The following CYB5R4 variants were observed in gnomAD, a reference collection of about 807,000 sequenced individuals.
CYB5R4 encodes cytochrome b5 reductase 4, also known as N-terminal cytochrome b5 and cytochrome b5 oxidoreductase domain-containing protein.
Under a neutral mutation model 70.2 loss-of-function variants are expected in CYB5R4, and 55 were observed. The ratio of observed to expected loss-of-function variants is 0.78; its 90% CI spans 0.63 to 0.98. CYB5R4 has a LOEUF of 0.98. Ranked by LOEUF, CYB5R4 falls within the 50% of genes least tolerant of loss-of-function variation. The pLI, the probability that CYB5R4 is intolerant of heterozygous loss-of-function variation, is 0.00. For synonymous variants in CYB5R4, 197 were observed against 199.5 expected (o/e 0.99, Z 0.11); for missense variants, 562 against 612.6 (o/e 0.92, Z 0.87).
In CYB5R4 at chr6:83,872,118, A is replaced by T. The variant is rs537362504; in HGVS notation, c.229+7790A>T. On this transcript the variant is annotated intron_variant, in intron 2 of 15. Coordinates refer to ENST00000369681, the MANE Select transcript of CYB5R4 (RefSeq NM_016230.4). Reference sequence around the variant, plus strand: ...AGTAACTCTCATTATATTCCTGGTTATTGCCTGAATTACTTGATAGTGGCA... The same window carrying T: ...AGTAACTCTCATTATATTCCTGGTTTTTGCCTGAATTACTTGATAGTGGCA... Among the ~76,000 whole-genome samples the T allele has an allele frequency of 6.6e-5, 10 of 152,130 alleles. 1 individual carries two copies. The South Asian group carries it at 2.1e-3, about 32-fold the overall frequency.
intron 3 of CYB5R4, among the ~76,000 whole-genome samples, chr6:83,903,779 G>T (rs1164432017): frequency 1.3e-5 from 2 of 151,894 alleles, no homozygotes; most frequent in Non-Finnish European, 1.5e-5. Context: ...TTGATAGGTT[G>T]TATGTTTCCA....
rs2099466014 is a variant in CYB5R4 at position 83,919,434 on chromosome 6, G to A, written c.544G>A (p.Ala182Thr). Residue 182 changes from alanine (A) to threonine (T), a missense_variant, in exon 7 of 16, where the codon GCC becomes ACC. Physicochemically the swap from Ala to Thr is moderately conservative, Grantham distance 58. Coordinates refer to ENST00000369681, the MANE Select transcript of CYB5R4 (RefSeq NM_016230.4). ...WFQTDSLVTI[A>T]IYTKQKDINL... ...CCAAACAGACTCTTTAGTCACCATTGCCATATATACTAAACAGAAGGTAAA... is the reference window on the plus strand; with the variant it reads ...CCAAACAGACTCTTTAGTCACCATTACCATATATACTAAACAGAAGGTAAA... The A allele has an allele frequency of 2.6e-6, 4 of 1,515,296 alleles. No individual in the cohort carries two copies. The South Asian group carries it at 3.7e-5, about 14-fold the overall frequency. 93.9% of individuals were successfully genotyped at this position (1,515,296 alleles called of 1,614,324 possible). A position where few individuals can be genotyped will look rare whatever the true frequency, so the allele number is the denominator to read the frequency against.
At chr6:83,928,214 G>A (rs527652186) in intron 10 of CYB5R4, among the ~76,000 whole-genome samples, 224 of 152,294 alleles carry the variant, frequency 1.5e-3, no homozygotes, top group African/African-American at 5.0e-3. Flanking sequence ...GTATGAGGCA[G>A]CCTTATTTTG....
chr6:83,859,895 G>T, intron 1 of CYB5R4, 38 bp downstream of exon 1: 2 of 1,573,786 alleles, frequency 1.3e-6, no homozygotes, highest in East Asian at 2.3e-5. Context: ...CCCTCGCTGC[G>T]TTTCGAGCTC....
At chr6:83,922,629 T>A (rs751448599) in intron 9 of CYB5R4, among the ~76,000 whole-genome samples, 159 bp downstream of exon 9, 9 of 152,072 alleles carry the variant, frequency 5.9e-5, no homozygotes, top group Non-Finnish European at 1.2e-4. Flanking sequence ...CTTTTTTTTT[T>A]AAACTTTTAA....
intron 14 of CYB5R4, among the ~76,000 whole-genome samples, chr6:83,945,056 A>C (rs2099470351): frequency 1.3e-5 from 2 of 152,214 alleles, no homozygotes; most frequent in Non-Finnish European, 2.9e-5. Context: ...ACTTGAACTC[A>C]GCTCTGCACC....
At chr6:83,942,734 C>A (rs1404341343) in intron 14 of CYB5R4, among the ~76,000 whole-genome samples, 4 of 152,092 alleles carry the variant, frequency 2.6e-5, no homozygotes, top group Non-Finnish European at 5.9e-5. Flanking sequence ...TCGCTGCAAG[C>A]ACAGCAGTTT....
At chr6:83,921,973 A>G (rs936074192) in intron 8 of CYB5R4, among the ~76,000 whole-genome samples, 2 of 152,222 alleles carry the variant, frequency 1.3e-5, no homozygotes, top group African/African-American at 2.4e-5. Flanking sequence ...TAGACGCTCA[A>G]TAAAATTTTT....
intron 3 of CYB5R4, among the ~76,000 whole-genome samples, chr6:83,895,703 A>AT (rs1168405714): frequency 2.6e-5 from 4 of 152,142 alleles, no homozygotes; most frequent in African/African-American, 9.7e-5. Context: ...GAAGTGCTAT[A>AT]TTGTTAAGTT....
At chr6:83,907,898 T>A (rs1034856974) in intron 3 of CYB5R4, among the ~76,000 whole-genome samples, 1 of 152,226 alleles carries the variant, frequency 6.6e-6, no homozygotes. Flanking sequence ...TTTAGGTTGA[T>A]TCCATGTCTT....
chr6:83,913,448 C>G (rs964860945), intron 4 of CYB5R4, among the ~76,000 whole-genome samples: 2 of 152,048 alleles, frequency 1.3e-5, no homozygotes, highest in African/African-American at 4.8e-5. Flanking sequence ...GATTTTCAGC[C>G]TTTTTTAGGA....
At chr6:83,914,971 A>G (rs1180380614) in intron 5 of CYB5R4, among the ~76,000 whole-genome samples, 1 of 151,740 alleles carries the variant, frequency 6.6e-6, no homozygotes, top group African/African-American at 2.4e-5. Flanking sequence ...CCCTGAATAC[A>G]TGTTATCTTC....
intron 1 of CYB5R4, 94 bp downstream of exon 1, chr6:83,859,951 C>G: frequency 8.3e-7 from 1 of 1,204,316 alleles, no homozygotes; most frequent in Non-Finnish European, 1.2e-6. Context: ...GCTCCTGCAC[C>G]CCTCTCTAAG....
intron 4 of CYB5R4, chr6:83,910,032 T>C: frequency 6.2e-7 from 1 of 1,612,076 alleles, no homozygotes; most frequent in Non-Finnish European, 8.5e-7. Context: ...GTTAAGCTGG[T>C]ACGCATGCAT....
intron 2 of CYB5R4, among the ~76,000 whole-genome samples, chr6:83,877,261 C>CT (rs2099458717): frequency 1.3e-5 from 2 of 152,196 alleles, no homozygotes; most frequent in African/African-American, 4.8e-5. Flanking sequence ...TGACAGTGTT[C>CT]TTTTTTCCGT....
At chr6:83,912,038 C>G (rs2099464771) in intron 4 of CYB5R4, among the ~76,000 whole-genome samples, 1 of 124,714 alleles carries the variant, frequency 8.0e-6, no homozygotes, top group Admixed American at 9.9e-5. Flanking sequence ...GCCTGGGTGA[C>G]AGAGAGAGGC....
intron 2 of CYB5R4, among the ~76,000 whole-genome samples, chr6:83,869,403 C>T (rs1260441591): frequency 6.6e-6 from 1 of 152,206 alleles, no homozygotes; most frequent in Non-Finnish European, 1.5e-5. Flanking sequence ...TCAGTACTCA[C>T]AGTGTCTGTT....
At chr6:83,945,670 G>A (rs9344379) in intron 14 of CYB5R4, among the ~76,000 whole-genome samples, 23,056 of 151,938 alleles carry the variant, frequency 0.15, 3,333 homozygotes, top group African/African-American at 0.36. Context: ...TGGATAGACC[G>A]CTAGTCAGAC....
In CYB5R4 at chr6:83,893,624, T is replaced by TAAGATGTGCTGAAAGTAACCA; in HGVS notation, c.330+6_330+26dup. ...GATGGTACTGAACTTTTTGATCAGG[T>TAAGATGTGCTGAAAGTAACCA]AAGATGTGCTGAAAGTAACCAAAGT... On this transcript the variant is annotated splice_region_variant and intron_variant, in intron 3 of 15. Coordinates refer to ENST00000369681, the MANE Select transcript of CYB5R4 (RefSeq NM_016230.4). 2 of 1,574,812 alleles carry TAAGATGTGCTGAAAGTAACCA rather than the reference T, an allele frequency of 1.3e-6. No individual in the cohort carries two copies. Among genetic ancestry groups the TAAGATGTGCTGAAAGTAACCA allele is most frequent in the Non-Finnish European group, 1.7e-6 (2 of 1,148,366 alleles).
Sources: allele counts gnomAD v4.1 joint callset (sites outside exome capture counted in the v4.1 genomes callset), GRCh38; gene constraint gnomAD v4.1.1; transcripts MANE v1.5; gene names NCBI Gene and HGNC (gene_info 2026-07-23, HGNC 2026-07-21).